CADM2: variants seen among roughly 807,000 people sequenced by gnomAD.
CADM2 encodes the protein cell adhesion molecule 2, also known as immunoglobulin superfamily member 4D.
CADM2 carries 12 observed loss-of-function variants against 49.8 expected under a neutral mutation model. That is an observed-to-expected ratio of 0.24 (90% CI 0.15 to 0.39). The LOEUF (loss-of-function observed/expected upper bound fraction) is 0.39. CADM2 is among the 10% of genes least tolerant of loss of function. The pLI is 1.00. For synonymous variants in CADM2, 214 were observed against 175.4 expected, an observed-to-expected ratio of 1.22 and a Z score of -1.74; for missense variants, 378 against 492.3, an observed-to-expected ratio of 0.77 and a Z score of 2.20.
chr3:85,778,965 G>T (rs2070494862), intron 2 of CADM2, among the ~76,000 whole-genome samples: 1 of 152,134 alleles, frequency 6.6e-6, no homozygotes, highest in Non-Finnish European at 1.5e-5. Context: ...AATCCATCCT[G>T]CCAAATGTAA....
chr3:85,119,004 C>T (rs1314390352), intron 1 of CADM2, among the ~76,000 whole-genome samples: 2 of 152,162 alleles, frequency 1.3e-5, no homozygotes, highest in African/African-American at 2.4e-5. Flanking sequence ...CCATCTTGGC[C>T]TCCCAAAGTG....
chr3:85,180,420 G>A (rs1418717834), intron 1 of CADM2, among the ~76,000 whole-genome samples: 45 of 150,234 alleles, frequency 3.0e-4, no homozygotes, highest in African/African-American at 1.1e-3. Context: ...GAAGTGGGAG[G>A]ATGGCTTGAG....
intron 1 of CADM2, among the ~76,000 whole-genome samples, chr3:85,300,130 C>T (rs1031421465): frequency 6.6e-6 from 1 of 152,016 alleles, no homozygotes; most frequent in Admixed American, 6.6e-5. Flanking sequence ...TTATGGCTCC[C>T]AAGCATTTTG....
At chr3:85,461,627 A>G (rs2038249136) in intron 1 of CADM2, among the ~76,000 whole-genome samples, 2 of 150,240 alleles carry the variant, frequency 1.3e-5, no homozygotes, top group African/African-American at 4.9e-5. Flanking sequence ...AGCAACCCCA[A>G]TTCAAGTTCT....
intron 5 of CADM2, among the ~76,000 whole-genome samples, chr3:85,907,111 A>G (rs961626859): frequency 7.9e-5 from 12 of 152,150 alleles, no homozygotes; most frequent in African/African-American, 2.9e-4. Flanking sequence ...CTAATTTTTG[A>G]CAATAAAGCC....
At chr3:85,505,583 T>A (rs1179363353) in intron 1 of CADM2, among the ~76,000 whole-genome samples, 3 of 152,194 alleles carry the variant, frequency 2.0e-5, no homozygotes, top group Admixed American at 6.5e-5. Context: ...TGTTTTGCTT[T>A]TGATTTAGAG....
At chr3:85,259,562 T>A (rs2042966337) in intron 1 of CADM2, among the ~76,000 whole-genome samples, 1 of 152,122 alleles carries the variant, frequency 6.6e-6, no homozygotes, top group Admixed American at 6.6e-5. Flanking sequence ...TTTAAACATT[T>A]ACAAACTTTA....
At chr3:85,691,701 A>G (rs2066392165) in intron 1 of CADM2, among the ~76,000 whole-genome samples, 1 of 152,168 alleles carries the variant, frequency 6.6e-6, no homozygotes, top group African/African-American at 2.4e-5. Flanking sequence ...CACTATTCAC[A>G]ATAGCAAAGA....
At chr3:85,017,246 G>A (rs771647991) in intron 1 of CADM2, among the ~76,000 whole-genome samples, 4 of 152,148 alleles carry the variant, frequency 2.6e-5, no homozygotes, top group Non-Finnish European at 5.9e-5. Context: ...CTATAATTAC[G>A]CCACTCTTCC....
intron 1 of CADM2, among the ~76,000 whole-genome samples, chr3:85,261,077 T>C (rs1444908353): frequency 6.6e-6 from 1 of 152,126 alleles, no homozygotes; most frequent in African/African-American, 2.4e-5. Context: ...TATCCCTAAT[T>C]TCCATATTGC....
intron 1 of CADM2, among the ~76,000 whole-genome samples, chr3:85,290,346 G>A (rs925761454): frequency 1.3e-5 from 2 of 152,138 alleles, no homozygotes; most frequent in South Asian, 2.1e-4. Context: ...CTGCAAGGCC[G>A]CAGCAAGGCT....
chr3:85,122,812 T>TCTCTTCTTCCATTGTATGG (rs1003160981), intron 1 of CADM2, among the ~76,000 whole-genome samples: 1 of 152,064 alleles, frequency 6.6e-6, no homozygotes, highest in African/African-American at 2.4e-5. Context: ...GTAAAAACAT[T>TCTCTTCTTCCATTGTATGG]CTCTTCTTCC....
intron 1 of CADM2, among the ~76,000 whole-genome samples, chr3:85,107,415 C>T (rs1209500373): frequency 6.6e-6 from 1 of 152,022 alleles, no homozygotes; most frequent in Non-Finnish European, 1.5e-5. Context: ...TACCACTTCG[C>T]AACATTAGGA....
chr3:85,777,350 G>A (rs1168565532), intron 2 of CADM2, among the ~76,000 whole-genome samples: 1 of 151,836 alleles, frequency 6.6e-6, no homozygotes, highest in African/African-American at 2.4e-5. Context: ...CCGCCTCCCG[G>A]GTTCAAGCAA....
intron 1 of CADM2, among the ~76,000 whole-genome samples, chr3:85,104,366 G>C (rs563449607): frequency 6.6e-6 from 1 of 151,772 alleles, no homozygotes; most frequent in Non-Finnish European, 1.5e-5. Context: ...GTAGATATGC[G>C]GCGTTATTTC....
At chr3:85,691,727 A>G (rs893212224) in intron 1 of CADM2, among the ~76,000 whole-genome samples, 3 of 152,176 alleles carry the variant, frequency 2.0e-5, no homozygotes, top group African/African-American at 7.2e-5. Flanking sequence ...AACCAACCCA[A>G]ATGTCCAACA....
intron 1 of CADM2, among the ~76,000 whole-genome samples, chr3:84,966,456 T>G (rs957040828): frequency 3.3e-5 from 5 of 152,216 alleles, no homozygotes; most frequent in Non-Finnish European, 7.4e-5. Flanking sequence ...ACTCTTTCAA[T>G]TAAGGTTAAG....
intron 2 of CADM2, among the ~76,000 whole-genome samples, chr3:85,734,985 T>TGC (rs1302803718): frequency 1.3e-5 from 2 of 150,910 alleles, no homozygotes; most frequent in Non-Finnish European, 3.0e-5. Context: ...TATATGTGTG[T>TGC]GTGTGTGTGT....
intron 2 of CADM2, among the ~76,000 whole-genome samples, chr3:85,743,020 G>A (rs998193029): frequency 1.3e-5 from 2 of 152,056 alleles, no homozygotes; most frequent in African/African-American, 4.8e-5. Context: ...TTTATGGACT[G>A]AGCATCTCAC....
Sources: allele counts gnomAD v4.1 joint callset (sites outside exome capture counted in the v4.1 genomes callset), GRCh38; gene constraint gnomAD v4.1.1; transcripts MANE v1.5; gene names NCBI Gene and HGNC (gene_info 2026-07-23, HGNC 2026-07-21).